The following TEKT1 variants were observed in gnomAD, a reference collection of about 807,000 sequenced individuals.
TEKT1 encodes the protein tektin-1.
TEKT1 carries 32 observed loss-of-function variants against 34.8 expected under a neutral mutation model. The observed-to-expected ratio is 0.92, with a 90% CI of 0.69 to 1.23. The LOEUF is 1.23. Ranked by LOEUF, TEKT1 falls within the 50% of genes most tolerant of loss-of-function variation. TEKT1 has a pLI of 0.00. For missense variants in TEKT1, 492 were observed against 518.5 expected, an observed-to-expected ratio of 0.95 and a Z score of 0.50; for synonymous variants, 207 against 199.8, an observed-to-expected ratio of 1.04 and a Z score of -0.30.
Position 6,800,159 on chromosome 17 carries a change from C to T in TEKT1, c.1125G>A (p.Glu375=). The part of the protein sequence containing the change: ...LHRRQLALQE[E]IQVKENTIYI... ...AAATGGTGTTCTCTTTGACCTGGATCTCCTCCTGCAGGGCAAGCTGTCTGC... is the reference window on the plus strand; with the variant it reads ...AAATGGTGTTCTCTTTGACCTGGATTTCCTCCTGCAGGGCAAGCTGTCTGC... The change falls in exon 8 of 8, where the codon GAG becomes GAA. Residue 375 remains glutamate, a synonymous_variant. Coordinates refer to ENST00000338694, the MANE Select transcript of TEKT1 (RefSeq NM_053285.2). 1 of 1,614,220 alleles carries T rather than the reference C, an allele frequency of 6.2e-7. No individual in the cohort carries two copies. The highest frequency in any genetic ancestry group is 8.5e-7 in the Non-Finnish European group (1 of 1,180,038).
intron 6 of TEKT1, 142 bp downstream of exon 6, chr17:6,812,689 A>G: frequency 1.3e-6 from 1 of 764,736 alleles, no homozygotes. Flanking sequence ...TAAGCTTGAG[A>G]GATATGAATG....
chr17:6,803,228 C>T (rs187167478), intron 6 of TEKT1, among the ~76,000 whole-genome samples: 260 of 152,264 alleles, frequency 1.7e-3, no homozygotes, highest in Middle Eastern at 6.8e-3. Context: ...AGCATTTTTT[C>T]GTGTGTCTTT....
chr17:6,803,715 G>A (rs1343020985), intron 6 of TEKT1, among the ~76,000 whole-genome samples: 16 of 151,912 alleles, frequency 1.1e-4, no homozygotes, highest in South Asian at 8.3e-4. Context: ...ATTAAATAGG[G>A]AATCCTTTCC....
intron 1 of TEKT1, among the ~76,000 whole-genome samples, chr17:6,830,792 G>A (rs551617308): frequency 1.3e-4 from 20 of 152,166 alleles, no homozygotes; most frequent in Admixed American, 3.3e-4. Context: ...TGTAGGTGCC[G>A]TTATATGAAT....
chr17:6,828,675 GCT>G (rs1392282773), intron 2 of TEKT1, among the ~76,000 whole-genome samples: 109 of 152,016 alleles, frequency 7.2e-4, no homozygotes, highest in African/African-American at 2.4e-3. Flanking sequence ...CAATCCCTAT[GCT>G]ACCTGCTTGG....
rs886461320 is a variant in TEKT1 at position 6,799,669 on chromosome 17, G to A, written c.*358C>T. The A allele has an allele frequency of 1.7e-5, 3 of 176,716 alleles. 1 individual carries two copies. Among genetic ancestry groups the A allele is most frequent in the Non-Finnish European group, 2.4e-5 (2 of 84,718 alleles). 10.9% of individuals were successfully genotyped at this position (176,716 alleles called of 1,614,324 possible). ...AAGAAATTTTGAGAGCCAAGAGAAA[G>A]GTTAGCATCCCATCTCATGAGCAAG... On this transcript the variant is annotated 3_prime_UTR_variant, in exon 8 of 8. Transcript: ENST00000338694.
In TEKT1 at chr17:6,811,527, G is replaced by A. The variant is rs1037797388; in HGVS notation, c.852+1304C>T. ...CAAACCCAAGATGTCTGGCTCTGAC[G>A]TCTACCCATTTCCACTAGGCTCGTC... On this transcript the variant is annotated intron_variant, in intron 6 of 7. Coordinates refer to ENST00000338694, the MANE Select transcript of TEKT1 (RefSeq NM_053285.2). The surrounding 1 kb of genome is among the most constrained non-coding windows in gnomAD (Gnocchi z 4.4). Among the ~76,000 whole-genome samples the A allele has an allele frequency of 3.3e-5, 5 of 152,066 alleles. No homozygotes were observed. The highest frequency in any genetic ancestry group is 4.2e-4 in the South Asian group (2 of 4,818).
chr17:6,822,245 T>C (rs1046675090), intron 2 of TEKT1, among the ~76,000 whole-genome samples: 5 of 152,094 alleles, frequency 3.3e-5, no homozygotes, highest in African/African-American at 4.8e-5. Flanking sequence ...CAGGAGATCC[T>C]CCCACCTCAG....
intron 6 of TEKT1, 30 bp from the exon 7 acceptor site, chr17:6,800,973 C>T: frequency 6.3e-7 from 1 of 1,583,738 alleles, no homozygotes; most frequent in Non-Finnish European, 8.6e-7. Context: ...TAGGTGAGGC[C>T]AAGCTGTGCT....
intron 2 of TEKT1, among the ~76,000 whole-genome samples, chr17:6,826,774 C>T (rs540375866): frequency 4.9e-4 from 75 of 151,682 alleles, no homozygotes; most frequent in Non-Finnish European, 9.0e-4. Flanking sequence ...CACGTCACTG[C>T]AAGTTCCGCC....
At chr17:6,806,536 T>A (rs981530626) in intron 6 of TEKT1, among the ~76,000 whole-genome samples, 1 of 152,234 alleles carries the variant, frequency 6.6e-6, no homozygotes, top group Non-Finnish European at 1.5e-5. Context: ...ATTTTGCTCA[T>A]GAGTTGATGC....
chr17:6,807,163 G>A lies in TEKT1; in HGVS notation c.852+5668C>T, dbSNP rs953929517. On this transcript the variant is annotated intron_variant, in intron 6 of 7. Coordinates refer to ENST00000338694, the MANE Select transcript of TEKT1 (RefSeq NM_053285.2). ...CCCATATTTCTTGGAGGCTTTGTTC[G>A]TTTCTTTTCATTCTTTTTTCTCTAA... is the stretch of plus-strand genomic sequence containing the variant. Among the ~76,000 whole-genome samples, 54 of 152,132 alleles carry A rather than the reference G, an allele frequency of 3.5e-4. 1 individual carries two copies. The highest frequency in any genetic ancestry group is 8.3e-4 in the South Asian group (4 of 4,822).
Position 6,819,359 on chromosome 17 carries a change from C to T in TEKT1, c.191-1G>A, listed in dbSNP as rs1977055689. 1 of 1,611,218 alleles carries T rather than the reference C, an allele frequency of 6.2e-7. No individual in the cohort carries two copies. On this transcript the variant is annotated splice_acceptor_variant, in intron 2 of 7. Transcript: ENST00000338694. LOFTEE classifies it high-confidence loss of function. ...AACTGGACTTCCTCGAGTCTCTGTT[C>T]TGAAGCACACGGGGAAGTTACACCA...
rs1321086997 is a variant in TEKT1 at position 6,830,216 on chromosome 17, T to A, written c.161A>T (p.Lys54Ile). The change falls in exon 2 of 8, where the codon AAA (lysine) becomes ATA (isoleucine). Residue 54 changes from lysine (K) to isoleucine (I), a missense_variant. Physicochemically the swap from Lys to Ile is moderately radical, Grantham distance 102. Coordinates refer to ENST00000338694, the MANE Select transcript of TEKT1 (RefSeq NM_053285.2). Reference protein sequence around the residue: ...LVDEIEKTTRKSQSDVNKKLE... With the variant: ...LVDEIEKTTRISQSDVNKKLE... ...TTTCTTGTTCACATCGCTTTGAGATTTTCTTGTGGTCTTTTCAATTTCATC... is the reference window on the plus strand; with the variant it reads ...TTTCTTGTTCACATCGCTTTGAGATATTCTTGTGGTCTTTTCAATTTCATC... 6.2e-7 allele frequency: 1 copy of A among 1,609,504 alleles called. No homozygotes were observed. The highest frequency in any genetic ancestry group is 8.5e-7 in the Non-Finnish European group (1 of 1,179,160).
At chr17:6,827,550 A>C (rs1389822547) in intron 2 of TEKT1, among the ~76,000 whole-genome samples, 1 of 152,118 alleles carries the variant, frequency 6.6e-6, no homozygotes, top group Admixed American at 6.5e-5. Flanking sequence ...GGCATGAGCC[A>C]CCACACTCAG....
At position 6,827,257 on chromosome 17, in the gene TEKT1, A is replaced by AC. The variant is rs528734641; in HGVS notation, c.190+2929_190+2930insG. On this transcript the variant is annotated intron_variant, in intron 2 of 7. Transcript: ENST00000338694. ...GTTCTTCTTTAAGATAGTTGTGCCA[A>AC]TTTTTTTTTTTTTTTTTTTTTGAGA... 1.3e-4 allele frequency among the ~76,000 whole-genome samples: 16 copies of AC among 124,274 alleles called. 2 individuals are homozygous for AC. The highest frequency in any genetic ancestry group is 2.3e-4 in the East Asian group (1 of 4,364). 81.5% of individuals were successfully genotyped at this position (124,274 alleles called of 152,430 possible). A position where few individuals can be genotyped will look rare whatever the true frequency, so the allele number is the denominator to read the frequency against.
At position 6,830,334 on chromosome 17, in the gene TEKT1, C is replaced by CT. The variant is rs752479902; in HGVS notation, c.42dup (p.Glu15ArgfsTer6). The CT allele has an allele frequency of 6.2e-6, 10 of 1,604,560 alleles. No homozygotes were observed. The highest frequency in any genetic ancestry group is 8.5e-6 in the Non-Finnish European group (10 of 1,178,242). On this transcript the variant is annotated frameshift_variant, in exon 2 of 8. Coordinates refer to ENST00000338694, the MANE Select transcript of TEKT1 (RefSeq NM_053285.2). LOFTEE classifies it high-confidence loss of function. The stretch of plus-strand genomic sequence containing the variant: ...TGGTTCTTGTTAGCAATGTGCCACT[C>CT]TGAGGGCAGGAACTTGGGTGGAGGT...
In TEKT1 at chr17:6,815,931, C is replaced by T. The variant is rs760477424; in HGVS notation, c.388G>A (p.Asp130Asn). The change falls in exon 4 of 8, where the codon GAC becomes AAC. Residue 130 changes from aspartate (D) to asparagine (N), a missense_variant. Physicochemically the swap from Asp to Asn is conservative, Grantham distance 23 (BLOSUM62 1). Transcript: ENST00000338694. The part of the protein sequence containing the change: ...EKRIGIDLVH[D>N]TVEHELIKEA... ...TTTATCAGCTCATGCTCCACTGTGTCGTGCACCAGGTCAATGCCAATGCGC... is the reference window on the plus strand; with the variant it reads ...TTTATCAGCTCATGCTCCACTGTGTTGTGCACCAGGTCAATGCCAATGCGC... The T allele has an allele frequency of 3.7e-6, 6 of 1,614,124 alleles. No individual in the cohort carries two copies. The highest frequency in any genetic ancestry group is 1.1e-5 in the South Asian group (1 of 91,082).
rs370834969 is a variant in TEKT1, at chr17:6,812,897, C to G, written c.786G>C (p.Thr262=). The G allele has an allele frequency of 2.5e-6, 4 of 1,614,200 alleles. No homozygotes were observed. Among genetic ancestry groups the G allele is most frequent in the Non-Finnish European group, 8.5e-7 (1 of 1,180,038 alleles). ...DLRKQCDVVD[T]AFKNGLKDTK... ...TATCCTTCAGCCCATTCTTGAATGC[C>G]GTGTCCACCACATCACACTGCTTGC... The change falls in exon 6 of 8, where the codon ACG becomes ACC. Residue 262 remains threonine (T), a synonymous_variant. Transcript: ENST00000338694.
Sources: allele counts gnomAD v4.1 joint callset (sites outside exome capture counted in the v4.1 genomes callset), GRCh38; gene constraint gnomAD v4.1.1; non-coding constraint Gnocchi (gnomAD v3.1); transcripts MANE v1.5; gene names NCBI Gene and HGNC (gene_info 2026-07-23, HGNC 2026-07-21).